The following PSMD9 variants were observed in gnomAD, a reference collection of about 807,000 sequenced individuals.
The protein encoded by PSMD9 is 26S proteasome non-ATPase regulatory subunit 9.
A neutral mutation model predicts 25.9 loss-of-function variants in PSMD9; 26 were observed. That is an observed-to-expected ratio of 1.00 (90% CI 0.73 to 1.39). The LOEUF is 1.39. Ranked by LOEUF, PSMD9 falls within the 40% of genes most tolerant of loss-of-function variation. The pLI is 0.00. For synonymous variants in PSMD9, 110 were observed against 114.5 expected, an observed-to-expected ratio of 0.96 and a Z score of 0.25; for missense variants, 303 against 299.3, an observed-to-expected ratio of 1.01 and a Z score of -0.09.
rs550861286 is a variant in PSMD9, at chr12:121,891,595, G to A, written c.138+2601G>A. 1.7e-3 allele frequency among the ~76,000 whole-genome samples: 241 copies of A among 145,228 alleles called. 1 individual carries two copies. Among genetic ancestry groups the A allele is most frequent in the African/African-American group, 5.9e-3 (232 of 39,240 alleles). ...AGCCTGGGTGACAGAGCGAGACTCC[G>A]TCTCAAGAAAAAAGAAAAAAAAAAA... On this transcript the variant is annotated intron_variant, in intron 1 of 5. Coordinates refer to ENST00000541212, the MANE Select transcript of PSMD9 (RefSeq NM_002813.7).
intron 2 of PSMD9, 123 bp from the exon 3 acceptor site, chr12:121,899,511 T>G: frequency 1.1e-6 from 1 of 921,414 alleles, no homozygotes; most frequent in Non-Finnish European, 1.6e-6. Context: ...CAGAGACTCC[T>G]TCTCACCTCT....
intron 4 of PSMD9, among the ~76,000 whole-genome samples, chr12:121,913,070 G>C (rs1012301972): frequency 7.3e-5 from 11 of 151,464 alleles, no homozygotes; most frequent in Non-Finnish European, 7.4e-5. Context: ...CCGAGTAGCT[G>C]GGACTACAGG....
At chr12:121,914,586 A>G (rs1879839923) in intron 4 of PSMD9, 1 of 149,142 alleles carries the variant, frequency 6.7e-6, no homozygotes, top group Non-Finnish European at 1.5e-5. Context: ...GTGTGGTGGC[A>G]CATGCCCAAA....
At chr12:121,903,642 TAC>T (rs1879464353) in intron 4 of PSMD9, among the ~76,000 whole-genome samples, 1 of 152,124 alleles carries the variant, frequency 6.6e-6, no homozygotes, top group Non-Finnish European at 1.5e-5. Flanking sequence ...CCTTCTGTTT[TAC>T]ACTGGTGACA....
intron 1 of PSMD9, chr12:121,894,370 C>T (rs570309449): frequency 9.7e-6 from 2 of 206,300 alleles, no homozygotes; most frequent in African/African-American, 2.3e-5. Context: ...TTTCACTCCC[C>T]TCTAGCTTCC....
intron 4 of PSMD9, among the ~76,000 whole-genome samples, chr12:121,913,170 T>A (rs1022403065): frequency 1.3e-5 from 2 of 152,044 alleles, no homozygotes; most frequent in African/African-American, 4.8e-5. Context: ...GGTGTCAATC[T>A]CCTGACTTTG....
chr12:121,889,090 A>T, intron 1 of PSMD9, 96 bp downstream of exon 1: 1 of 1,465,116 alleles, frequency 6.8e-7, no homozygotes, highest in Non-Finnish European at 9.2e-7. Context: ...GGCGCTCCGC[A>T]ACGGATCTCC....
In PSMD9 at chr12:121,916,652, G is replaced by C. The variant is rs551398110; in HGVS notation, c.*341G>C. ...TTTACAGTGCTGATATGACCCTGTT[G>C]TCACCCCAGCTGAATTTCTTATGAC... On this transcript the variant is annotated 3_prime_UTR_variant, in exon 6 of 6. Coordinates refer to ENST00000541212, the MANE Select transcript of PSMD9 (RefSeq NM_002813.7). 4.1e-6 allele frequency: 1 copy of C among 245,804 alleles called. No individual in the cohort carries two copies. The highest frequency in any genetic ancestry group is 7.9e-5 in the East Asian group (1 of 12,596). The allele number at this position is 245,804 out of a possible 1,614,324, so 15.2% of individuals were successfully genotyped here. A position where few individuals can be genotyped will look rare whatever the true frequency, so the allele number is the denominator to read the frequency against.
chr12:121,913,147 T>C (rs1360709059), intron 4 of PSMD9, among the ~76,000 whole-genome samples: 2 of 152,036 alleles, frequency 1.3e-5, no homozygotes, highest in African/African-American at 4.8e-5. Context: ...GGTTTCACTG[T>C]GTTAGCCACG....
At chr12:121,897,760 T>C (rs545251300) in intron 2 of PSMD9, 1 of 152,358 alleles carries the variant, frequency 6.6e-6, no homozygotes, top group East Asian at 1.9e-4. Flanking sequence ...ACTCCTGACC[T>C]CAGGTGATCT....
At chr12:121,895,199 C>T (rs895989376) in intron 2 of PSMD9, among the ~76,000 whole-genome samples, 1 of 152,068 alleles carries the variant, frequency 6.6e-6, no homozygotes, top group Non-Finnish European at 1.5e-5. Context: ...GCATGTGTCG[C>T]TGTGCCTGGC....
chr12:121,901,666 CTTTTTTTTTT>C (rs563939839), intron 3 of PSMD9, among the ~76,000 whole-genome samples: 5 of 93,610 alleles, frequency 5.3e-5, no homozygotes, highest in South Asian at 4.4e-4. Context: ...TTCATTCCTT[CTTTTTTTTTT>C]TTTTTTTTTT....
chr12:121,890,572 A>G (rs563481650), intron 1 of PSMD9, among the ~76,000 whole-genome samples: 36 of 152,164 alleles, frequency 2.4e-4, no homozygotes, highest in East Asian at 2.3e-3. Flanking sequence ...GTGTCAAGCA[A>G]TCCTCCCACC....
chr12:121,911,860 C>G (rs1448666343), intron 4 of PSMD9, among the ~76,000 whole-genome samples: 1 of 151,738 alleles, frequency 6.6e-6, no homozygotes, highest in Non-Finnish European at 1.5e-5. Flanking sequence ...ACCATGTTGA[C>G]CAGGCTCGCC....
At chr12:121,910,836 G>T in intron 4 of PSMD9, 3 of 380,000 alleles carry the variant, frequency 7.9e-6, no homozygotes, top group African/African-American at 2.1e-5. Flanking sequence ...ACATTATTTT[G>T]CAAATATCAC....
intron 4 of PSMD9, among the ~76,000 whole-genome samples, chr12:121,911,318 G>T (rs1001972514): frequency 6.6e-6 from 1 of 152,152 alleles, no homozygotes. Context: ...GGGATTACAG[G>T]ACACTGTATA....
At chr12:121,907,840 G>A (rs959871319) in intron 4 of PSMD9, among the ~76,000 whole-genome samples, 5 of 152,136 alleles carry the variant, frequency 3.3e-5, no homozygotes, top group Non-Finnish European at 7.3e-5. Context: ...AGGAGTTTGA[G>A]ACCAGCCTGG....
chr12:121,910,021 C>T (rs1879672728), intron 4 of PSMD9, among the ~76,000 whole-genome samples: 1 of 151,610 alleles, frequency 6.6e-6, no homozygotes, highest in South Asian at 2.1e-4. Context: ...TCTAGCTTTC[C>T]CAACTATGTT....
chr12:121,894,690 G>A, intron 1 of PSMD9, 49 bp from the exon 2 acceptor site: 1 of 1,505,120 alleles, frequency 6.6e-7, no homozygotes, highest in Non-Finnish European at 9.2e-7. Context: ...AAGACATCCT[G>A]GGGACATTAC....
Sources: gnomAD v4.1 joint callset for allele counts (sites outside exome capture counted in the v4.1 genomes callset) on GRCh38, gnomAD v4.1.1 for gene constraint, MANE v1.5 for transcripts, NCBI Gene and HGNC (gene_info 2026-07-23, HGNC 2026-07-21) for gene names.